The following GDF5 variants were observed in gnomAD, a reference collection of about 807,000 sequenced individuals.
GDF5 encodes the protein growth/differentiation factor 5.
In GDF5, 17 loss-of-function variants were observed where a neutral mutation model predicts 34.6. The ratio of observed to expected loss-of-function variants is 0.49; its 90% confidence interval spans 0.34 to 0.74. GDF5 has a LOEUF of 0.74. Among genes scored for constraint, GDF5 ranks in the 30% least tolerant of loss-of-function variants. The probability of loss-of-function intolerance (pLI) is 0.01; values close to 1 mark genes in which losing one functional copy is unlikely to be tolerated. For synonymous variants in GDF5, 332 were observed against 290.7 expected, an observed-to-expected ratio of 1.14 and a Z score of -1.44; for missense variants, 616 against 661.2, an observed-to-expected ratio of 0.93 and a Z score of 0.75.
chr20:35,450,238 G>A (rs528832369), intron 1 of GDF5, among the ~76,000 whole-genome samples: 17 of 151,566 alleles, frequency 1.1e-4, no homozygotes, highest in African/African-American at 3.4e-4. Flanking sequence ...CCCAGGAGGC[G>A]GAGGTTGCAA....
chr20:35,449,064 T>C (rs932417737), intron 1 of GDF5, among the ~76,000 whole-genome samples: 3 of 152,160 alleles, frequency 2.0e-5, no homozygotes, highest in African/African-American at 7.2e-5. Flanking sequence ...ACACATCCCA[T>C]GCTCTAGCAT....
At chr20:35,435,486 A>T (rs1369274058) in intron 1 of GDF5, 1 of 90,628 alleles carries the variant, frequency 1.1e-5, no homozygotes, top group Non-Finnish European at 2.2e-5. Flanking sequence ...AAAAAAAAAA[A>T]AAAAAAAAAA....
chr20:35,450,699 T>C (rs1403431024), intron 1 of GDF5, among the ~76,000 whole-genome samples: 1 of 152,056 alleles, frequency 6.6e-6, no homozygotes, highest in Non-Finnish European at 1.5e-5. Context: ...TAGCTTCTTG[T>C]TCCTGGGGTC....
At chr20:35,443,574 T>TGG (rs2062505036) in intron 1 of GDF5, among the ~76,000 whole-genome samples, 1 of 152,064 alleles carries the variant, frequency 6.6e-6, no homozygotes, top group African/African-American at 2.4e-5. Context: ...TGCAATGGCA[T>TGG]GATATCGGCT....
chr20:35,451,042 GAAAAAAAAAAAA>G (rs1157980088), intron 1 of GDF5, among the ~76,000 whole-genome samples: 3 of 16,514 alleles, frequency 1.8e-4, no homozygotes, highest in South Asian at 1.5e-3. Context: ...TAGACTAACA[GAAAAAAAAAAAA>G]AAAAAAAAAA....
chr20:35,450,733 A>G (rs2062528433), intron 1 of GDF5, among the ~76,000 whole-genome samples: 1 of 151,790 alleles, frequency 6.6e-6, no homozygotes, highest in Admixed American at 6.6e-5. Context: ...AGGAAGCCCT[A>G]CTGAACAGGA....
At chr20:35,447,355 T>C (rs191183273) in intron 1 of GDF5, among the ~76,000 whole-genome samples, 62 of 152,344 alleles carry the variant, frequency 4.1e-4, no homozygotes, top group African/African-American at 1.4e-3. Context: ...CAGTGGCCAC[T>C]GCTCAGGACG....
At chr20:35,450,034 GGCTCAC>G (rs1159907087) in intron 1 of GDF5, among the ~76,000 whole-genome samples, 2 of 150,176 alleles carry the variant, frequency 1.3e-5, no homozygotes, top group African/African-American at 4.9e-5. Context: ...CGGGCGTCGC[GGCTCAC>G]GCCTGTAATC....
rs2062451733 is a variant in GDF5 at position 35,433,510 on chromosome 20, T to A, written c.*399A>T. On this transcript the variant is annotated 3_prime_UTR_variant, in exon 2 of 2. Coordinates refer to ENST00000374369, the MANE Select transcript of GDF5 (RefSeq NM_000557.5). ...GGGACAGGAAGTCACCAGGCACAAATGTGATTTGAGGAGGCAGTGGCACCT... is the reference window on the plus strand; with the variant it reads ...GGGACAGGAAGTCACCAGGCACAAAAGTGATTTGAGGAGGCAGTGGCACCT... 1 of 344,628 alleles carries A rather than the reference T, an allele frequency of 2.9e-6. No homozygotes were observed. Among genetic ancestry groups the A allele is most frequent in the Non-Finnish European group, 5.7e-6 (1 of 176,350 alleles). The allele number at this position is 344,628 out of a possible 1,614,324, so 21.3% of individuals were successfully genotyped here.
Position 35,434,468 on chromosome 20 carries a change from C to G in GDF5, c.947G>C (p.Trp316Ser), listed in dbSNP as rs1265270003. The G allele has an allele frequency of 8.7e-6, 14 of 1,612,378 alleles. No homozygotes were observed. The highest frequency in any genetic ancestry group is 1.0e-5 in the Non-Finnish European group (12 of 1,179,246). ...SAQLCLELEAWERGRAVDLRG... is the reference protein window; with the variant it reads ...SAQLCLELEASERGRAVDLRG... The stretch of plus-strand genomic sequence containing the variant: ...GAGGTCCACGGCCCTGCCCCGTTCC[C>G]AGGCCTCCAGCTCCAGGCACAGCTG... Residue 316 changes from tryptophan (W) to serine (S), a missense_variant, in exon 2 of 2, where the codon TGG (tryptophan) becomes TCG (serine). Physicochemically the swap from Trp to Ser is radical, Grantham distance 177. Coordinates refer to ENST00000374369, the MANE Select transcript of GDF5 (RefSeq NM_000557.5).
At position 35,438,157 on chromosome 20, in the gene GDF5, C is replaced by A. The variant is rs1404534199; in HGVS notation, c.-229G>T. Reference sequence around the variant, plus strand: ...GCTCTCGTATCCAGACGTGCACCGTCTCCAGTCAGCAGCTGAAAATAACTC... The same window carrying A: ...GCTCTCGTATCCAGACGTGCACCGTATCCAGTCAGCAGCTGAAAATAACTC... On this transcript the variant is annotated 5_prime_UTR_variant, in exon 1 of 2. Transcript: ENST00000374369. 2 of 586,446 alleles carry A rather than the reference C, an allele frequency of 3.4e-6. No individual in the cohort carries two copies. Among genetic ancestry groups the A allele is most frequent in the Non-Finnish European group, 6.1e-6 (2 of 329,272 alleles). The allele number at this position is 586,446 out of a possible 1,614,324, so 36.3% of individuals were successfully genotyped here.
upstream of GDF5, among the ~76,000 whole-genome samples, chr20:35,441,995 G>A (rs1337050075): frequency 6.6e-6 from 1 of 151,882 alleles, no homozygotes; most frequent in Non-Finnish European, 1.5e-5. Context: ...TGCACATCAC[G>A]ATGCCCAGCT....
intron 1 of GDF5, 86 bp from the exon 2 acceptor site, chr20:35,434,869 C>G: frequency 7.2e-7 from 1 of 1,397,272 alleles, no homozygotes; most frequent in African/African-American, 1.4e-5. Context: ...CCCCAGCTCT[C>G]TCCCAGTCCA....
At chr20:35,441,669 G>GGT (rs935904883), upstream of GDF5, among the ~76,000 whole-genome samples, 3 of 151,166 alleles carry the variant, frequency 2.0e-5, no homozygotes, top group Non-Finnish European at 4.4e-5. Flanking sequence ...TAGCCAGGAT[G>GGT]GTCTCGATCT....
intron 1 of GDF5, among the ~76,000 whole-genome samples, chr20:35,451,052 A>ATATATATATATATATATAT (rs1483480159): frequency 4.4e-5 from 1 of 22,906 alleles, no homozygotes; most frequent in African/African-American, 1.6e-4. Context: ...GAAAAAAAAA[A>ATATATATATATATATATAT]AAAAAAAAAA....
chr20:35,451,053 A>AT (rs2062530101), intron 1 of GDF5, among the ~76,000 whole-genome samples: 4 of 6,362 alleles, frequency 6.3e-4, no homozygotes, highest in Admixed American at 1.5e-3. Flanking sequence ...AAAAAAAAAA[A>AT]AAAAAAAAAA....
chr20:35,434,211 G>T lies in GDF5; in HGVS notation c.1204C>A (p.Arg402=). The change falls in exon 2 of 2, where the codon CGG becomes AGG. Residue 402 remains arginine, a synonymous_variant. Transcript: ENST00000374369. ...PSKNLKARCS[R]KALHVNFKDM... ...TTGAAGTTGACATGCAGTGCCTTCC[G>T]ACTGCAGCGAGCCTTAAGGTTCTTG... The T allele has an allele frequency of 6.2e-7, 1 of 1,614,164 alleles. No homozygotes were observed. Among genetic ancestry groups the T allele is most frequent in the Non-Finnish European group, 8.5e-7 (1 of 1,180,014 alleles).
At chr20:35,449,024 C>T (rs1185099740) in intron 1 of GDF5, among the ~76,000 whole-genome samples, 1 of 152,210 alleles carries the variant, frequency 6.6e-6, no homozygotes, top group Non-Finnish European at 1.5e-5. Flanking sequence ...CAGATGGTGG[C>T]ATCAGCAAGA....
chr20:35,444,627 C>T (rs1320784339), intron 1 of GDF5, among the ~76,000 whole-genome samples: 1 of 152,126 alleles, frequency 6.6e-6, no homozygotes, highest in Admixed American at 6.5e-5. Flanking sequence ...AAGAGTCTTG[C>T]TCTGTTGCCC....
Sources: gnomAD v4.1 joint callset for allele counts (sites outside exome capture counted in the v4.1 genomes callset) on GRCh38, gnomAD v4.1.1 for gene constraint, MANE v1.5 for transcripts, NCBI Gene and HGNC (gene_info 2026-07-23, HGNC 2026-07-21) for gene names.